The following LUZP2 variants were observed in gnomAD, a reference collection of about 807,000 sequenced individuals.
LUZP2 encodes the protein leucine zipper protein 2.
A neutral mutation model predicts 51.6 loss-of-function variants in LUZP2; 52 were observed. The observed-to-expected ratio is 1.01, with a 90% CI of 0.81 to 1.27. LUZP2 has a LOEUF of 1.27. Among genes scored for constraint, LUZP2 ranks in the 50% most tolerant of loss-of-function variants. The pLI is 0.00. For missense variants in LUZP2, 436 were observed against 395.4 expected, an observed-to-expected ratio of 1.10 and a Z score of -0.87; for synonymous variants, 154 against 137.3, an observed-to-expected ratio of 1.12 and a Z score of -0.85.
At chr11:24,627,182 C>A (rs2133918484) in intron 1 of LUZP2, among the ~76,000 whole-genome samples, 1 of 152,224 alleles carries the variant, frequency 6.6e-6, no homozygotes, top group Non-Finnish European at 1.5e-5. Context: ...TAAGATGTTT[C>A]TTTATGGGAA....
At chr11:24,814,162 G>A (rs1850103608) in intron 5 of LUZP2, among the ~76,000 whole-genome samples, 1 of 152,132 alleles carries the variant, frequency 6.6e-6, no homozygotes, top group African/African-American at 2.4e-5. Flanking sequence ...ATCTTCAGGC[G>A]AATTAATAAC....
intron 10 of LUZP2, among the ~76,000 whole-genome samples, chr11:25,066,518 T>C (rs1013741841): frequency 6.6e-5 from 10 of 152,016 alleles, no homozygotes; most frequent in African/African-American, 2.4e-4. Context: ...TGACATTCGC[T>C]AAGGGGCTCT....
chr11:24,826,186 A>ATATATATATAT (rs1330208354), intron 5 of LUZP2, among the ~76,000 whole-genome samples: 1 of 24,392 alleles, frequency 4.1e-5, no homozygotes, highest in Non-Finnish European at 8.8e-5. Flanking sequence ...AAAAAAAAAA[A>ATATATATATAT]AAAAATATAT....
intron 1 of LUZP2, among the ~76,000 whole-genome samples, chr11:24,620,494 G>A (rs12099381): frequency 0.22 from 32,806 of 152,014 alleles, 4,301 homozygotes; most frequent in African/African-American, 0.36. Flanking sequence ...ATAACCTGAA[G>A]ATAATTAGTA....
At chr11:24,541,736 A>G (rs1851371124) in intron 1 of LUZP2, among the ~76,000 whole-genome samples, 1 of 152,114 alleles carries the variant, frequency 6.6e-6, no homozygotes, top group South Asian at 2.1e-4. Flanking sequence ...GCCTTATGCC[A>G]CATAATCTCA....
At chr11:24,960,851 T>G (rs1855372729) in intron 7 of LUZP2, among the ~76,000 whole-genome samples, 1 of 152,198 alleles carries the variant, frequency 6.6e-6, no homozygotes, top group Non-Finnish European at 1.5e-5. Context: ...GGTGTCAGTT[T>G]TGGATCTTTC....
chr11:24,571,946 C>T (rs74667209), intron 1 of LUZP2, among the ~76,000 whole-genome samples: 1 of 151,888 alleles, frequency 6.6e-6, no homozygotes, highest in African/African-American at 2.4e-5. Context: ...TTCCATATTT[C>T]TCTGTGAAAT....
intron 10 of LUZP2, among the ~76,000 whole-genome samples, chr11:25,071,906 A>G (rs1436824932): frequency 2.0e-5 from 3 of 152,140 alleles, no homozygotes; most frequent in Non-Finnish European, 4.4e-5. Context: ...AAGCAATGGA[A>G]AGAAAAAAAT....
At chr11:24,986,568 T>A (rs990645405) in intron 9 of LUZP2, among the ~76,000 whole-genome samples, 1 of 146,242 alleles carries the variant, frequency 6.8e-6, no homozygotes, top group Non-Finnish European at 1.5e-5. Context: ...TGTGTGTGTG[T>A]AACATTTAAG....
At chr11:25,001,791 A>G (rs755023946) in intron 9 of LUZP2, among the ~76,000 whole-genome samples, 17 of 149,220 alleles carry the variant, frequency 1.1e-4, no homozygotes, top group East Asian at 2.0e-4. Flanking sequence ...TTGTCTCTCT[A>G]TCTCTTCCTC....
chr11:24,798,662 G>A (rs1055410902), intron 5 of LUZP2, among the ~76,000 whole-genome samples: 4 of 152,108 alleles, frequency 2.6e-5, no homozygotes, highest in East Asian at 1.9e-4. Context: ...CAGAATGGGC[G>A]TATAGGCTGT....
At chr11:24,699,055 T>C (rs961632175) in intron 1 of LUZP2, among the ~76,000 whole-genome samples, 7 of 148,662 alleles carry the variant, frequency 4.7e-5, no homozygotes, top group Middle Eastern at 3.5e-3. Context: ...AGACACTGTC[T>C]GAAAATAAAT....
At chr11:24,521,693 T>C (rs561194048) in intron 1 of LUZP2, among the ~76,000 whole-genome samples, 1 of 152,212 alleles carries the variant, frequency 6.6e-6, no homozygotes, top group African/African-American at 2.4e-5. Flanking sequence ...AATAACTAGA[T>C]CCAGTGAAGC....
At chr11:24,644,012 G>A (rs147010240) in intron 1 of LUZP2, among the ~76,000 whole-genome samples, 9 of 152,248 alleles carry the variant, frequency 5.9e-5, no homozygotes, top group Non-Finnish European at 8.8e-5. Context: ...ACATGATACC[G>A]CTTCCAAATA....
At chr11:24,840,216 T>C (rs1262377124) in intron 5 of LUZP2, among the ~76,000 whole-genome samples, 1 of 151,796 alleles carries the variant, frequency 6.6e-6, no homozygotes, top group African/African-American at 2.4e-5. Flanking sequence ...TCCTCAACCC[T>C]TTCTTCTTAT....
chr11:24,819,871 T>C (rs1480040941), intron 5 of LUZP2, among the ~76,000 whole-genome samples: 2 of 152,180 alleles, frequency 1.3e-5, no homozygotes, highest in Non-Finnish European at 2.9e-5. Context: ...AGGCTCTTCA[T>C]TTTATGAGCA....
At chr11:24,580,143 T>C (rs1250577827) in intron 1 of LUZP2, among the ~76,000 whole-genome samples, 1 of 152,118 alleles carries the variant, frequency 6.6e-6, no homozygotes, top group East Asian at 1.9e-4. Flanking sequence ...TTCCCTGATG[T>C]TTAATGATGT....
intron 1 of LUZP2, among the ~76,000 whole-genome samples, chr11:24,690,530 A>G (rs1282662197): frequency 6.6e-6 from 1 of 152,154 alleles, no homozygotes; most frequent in Admixed American, 6.6e-5. Context: ...TAAAATATTT[A>G]AACTTCATTT....
At chr11:24,616,751 T>C (rs945808390) in intron 1 of LUZP2, among the ~76,000 whole-genome samples, 1 of 152,156 alleles carries the variant, frequency 6.6e-6, no homozygotes, top group Non-Finnish European at 1.5e-5. Flanking sequence ...CCTCTGACCT[T>C]ATTCTTCTTT....
Sources: gnomAD v4.1 joint callset for allele counts (sites outside exome capture counted in the v4.1 genomes callset) on GRCh38, gnomAD v4.1.1 for gene constraint, MANE v1.5 for transcripts, NCBI Gene and HGNC (gene_info 2026-07-23, HGNC 2026-07-21) for gene names.